The following MAD1L1 variants were observed in gnomAD, a reference collection of about 807,000 sequenced individuals.
MAD1L1 encodes mitotic arrest deficient 1 like 1.
In MAD1L1, 95 loss-of-function variants were observed where a neutral mutation model predicts 96.9. The ratio of observed to expected loss-of-function variants is 0.98; its 90% CI spans 0.83 to 1.16. MAD1L1 has a LOEUF of 1.16. Among genes scored for constraint, MAD1L1 ranks in the 50% most tolerant of loss-of-function variants. The pLI is 0.00. For synonymous variants in MAD1L1, 473 were observed against 396.6 expected (o/e 1.19, Z -2.29); for missense variants, 1,007 against 954.4 (o/e 1.06, Z -0.73).
chr7:1,894,462 G>A (rs1786741019), intron 18 of MAD1L1, among the ~76,000 whole-genome samples: 1 of 152,150 alleles, frequency 6.6e-6, no homozygotes, highest in Non-Finnish European at 1.5e-5. Flanking sequence ...CAGGGATCCC[G>A]GTGCAACATG....
At chr7:1,895,466 A>T (rs1786807278) in intron 18 of MAD1L1, among the ~76,000 whole-genome samples, 1 of 152,186 alleles carries the variant, frequency 6.6e-6, no homozygotes, top group Non-Finnish European at 1.5e-5. Context: ...CGCAGCTCTC[A>T]GCCCCGCCTG....
intron 18 of MAD1L1, among the ~76,000 whole-genome samples, chr7:1,873,132 G>A (rs898993447): frequency 3.3e-5 from 5 of 152,200 alleles, no homozygotes; most frequent in African/African-American, 9.6e-5. Context: ...TGGTGGGCCC[G>A]GTTCCAATTC....
At chr7:2,052,455 C>T (rs2128518602) in intron 12 of MAD1L1, among the ~76,000 whole-genome samples, 1 of 152,222 alleles carries the variant, frequency 6.6e-6, no homozygotes, top group South Asian at 2.1e-4. Flanking sequence ...AGGGAGGGCG[C>T]CGGACAGCTC....
In MAD1L1 at chr7:1,831,389, TC is replaced by T. The variant is rs1340586005; in HGVS notation, c.1999-15162del. On this transcript the variant is annotated intron_variant, in intron 18 of 18. Coordinates refer to ENST00000265854, the MANE Select transcript of MAD1L1 (RefSeq NM_001013836.2). ...TTCTGACTGCTCCACTGACCAGCCA[TC>T]CCCCATCTCTCTCCTTCTCCTTAGG... 2.0e-5 allele frequency among the ~76,000 whole-genome samples: 3 copies of T among 152,048 alleles called. No homozygotes were observed. In the East Asian group the frequency reaches 5.8e-4, roughly 29 times the overall value.
In MAD1L1 at chr7:2,114,991, G is replaced by A. The variant is rs551419581; in HGVS notation, c.1073+34161C>T. Among the ~76,000 whole-genome samples, 20 of 152,326 alleles carry A rather than the reference G, an allele frequency of 1.3e-4. No homozygotes were observed. Among genetic ancestry groups the A allele is most frequent in the African/African-American group, 4.8e-4 (20 of 41,568 alleles). ...CTGTTCCCAGGGTAGAAACAGTGAC[G>A]GGCCAGTGCAGCAGAGAAGAGCAGA... On this transcript the variant is annotated intron_variant, in intron 11 of 18. Coordinates refer to ENST00000265854, the MANE Select transcript of MAD1L1 (RefSeq NM_001013836.2). This position sits in a 1 kb window ranked among gnomAD's most constrained non-coding sequence, Gnocchi z 4.2.
In MAD1L1 at chr7:1,871,247, C is replaced by T. The variant is rs1317606112; in HGVS notation, c.1998+26953G>A. 5.6e-4 allele frequency among the ~76,000 whole-genome samples: 79 copies of T among 140,284 alleles called. 4 individuals are homozygous for T. The highest frequency in any genetic ancestry group is 2.0e-3 in the African/African-American group (72 of 35,150). The allele number at this position is 140,284 out of a possible 152,430, so 92.0% of individuals were successfully genotyped here. A position where few individuals can be genotyped will look rare whatever the true frequency, so the allele number is the denominator to read the frequency against. On this transcript the variant is annotated intron_variant, in intron 18 of 18. Coordinates refer to ENST00000265854, the MANE Select transcript of MAD1L1 (RefSeq NM_001013836.2). Reference sequence around the variant, plus strand: ...CGCTGAACCCAACATACGCCTGCCACGCTGAACCCAACATAAGCCTGCCAC... The same window carrying T: ...CGCTGAACCCAACATACGCCTGCCATGCTGAACCCAACATAAGCCTGCCAC...
At chr7:2,011,854 G>A (rs1782319025) in intron 13 of MAD1L1, among the ~76,000 whole-genome samples, 1 of 152,216 alleles carries the variant, frequency 6.6e-6, no homozygotes, top group African/African-American at 2.4e-5. Context: ...GGTCCTGGGG[G>A]GAGACTGCAG....
intron 12 of MAD1L1, among the ~76,000 whole-genome samples, chr7:2,044,952 C>T (rs1783855816): frequency 1.3e-5 from 2 of 152,330 alleles, no homozygotes; most frequent in Admixed American, 1.3e-4. Context: ...TGAGCAGCAG[C>T]AACCATTCTC....
At chr7:2,116,086 C>T (rs1787675235) in intron 11 of MAD1L1, among the ~76,000 whole-genome samples, 1 of 152,234 alleles carries the variant, frequency 6.6e-6, no homozygotes, top group Non-Finnish European at 1.5e-5. Flanking sequence ...AAATAAGGGC[C>T]AAGGTGACCA....
intron 10 of MAD1L1, among the ~76,000 whole-genome samples, chr7:2,157,773 C>T (rs1789914507): frequency 6.6e-6 from 1 of 152,214 alleles, no homozygotes; most frequent in Admixed American, 6.5e-5. Flanking sequence ...AAGACCAGAG[C>T]CCCAACACCT....
At chr7:2,141,255 C>G (rs1311609005) in intron 11 of MAD1L1, among the ~76,000 whole-genome samples, 1 of 152,262 alleles carries the variant, frequency 6.6e-6, no homozygotes, top group Admixed American at 6.5e-5. Flanking sequence ...ACTGCGGAGG[C>G]CCCTCCAAGC....
chr7:2,035,058 A>C (rs1394868997), intron 12 of MAD1L1, among the ~76,000 whole-genome samples: 2 of 152,242 alleles, frequency 1.3e-5, no homozygotes, highest in Non-Finnish European at 2.9e-5. Context: ...GGAGGGACAC[A>C]AACTCCACAG....
chr7:2,161,107 C>CCTCCCTCTCCCCT (rs1790087591), intron 10 of MAD1L1, among the ~76,000 whole-genome samples: 1 of 4,696 alleles, frequency 2.1e-4, no homozygotes, highest in Non-Finnish European at 5.1e-4. Flanking sequence ...AATGGAGCCC[C>CCTCCCTCTCCCCT]TGCCCCTCCC....
chr7:2,132,076 A>G (rs938185925), intron 11 of MAD1L1, among the ~76,000 whole-genome samples: 2 of 152,162 alleles, frequency 1.3e-5, no homozygotes, highest in African/African-American at 4.8e-5. Flanking sequence ...AGCTGGCCCC[A>G]ACTGCATTTT....
At chr7:2,070,413 C>T (rs1562657291) in intron 11 of MAD1L1, among the ~76,000 whole-genome samples, 1 of 152,122 alleles carries the variant, frequency 6.6e-6, no homozygotes, top group African/African-American at 2.4e-5. Context: ...CAGGTGCTCC[C>T]AGGAAGGGAC....
At chr7:1,881,764 A>C (rs1254551777) in intron 18 of MAD1L1, among the ~76,000 whole-genome samples, 2 of 152,226 alleles carry the variant, frequency 1.3e-5, no homozygotes, top group Non-Finnish European at 2.9e-5. Flanking sequence ...GGGGAGGCAG[A>C]GGTGGTGGGA....
At chr7:1,965,001 C>T (rs1407742185) in intron 15 of MAD1L1, among the ~76,000 whole-genome samples, 1 of 152,220 alleles carries the variant, frequency 6.6e-6, no homozygotes, top group Non-Finnish European at 1.5e-5. Context: ...GCACTGCCCG[C>T]CAGCCCCTCC....
At chr7:2,091,633 G>C (rs543857991) in intron 11 of MAD1L1, among the ~76,000 whole-genome samples, 1 of 152,106 alleles carries the variant, frequency 6.6e-6, no homozygotes, top group African/African-American at 2.4e-5. Flanking sequence ...AAAATTAGCC[G>C]GGCTTAGTGG....
chr7:2,051,903 G>A (rs1238535857), intron 12 of MAD1L1, among the ~76,000 whole-genome samples: 1 of 152,038 alleles, frequency 6.6e-6, no homozygotes. Context: ...TACCACATGG[G>A]GTGCCAGAAA....
Sources: allele counts gnomAD v4.1 joint callset (sites outside exome capture counted in the v4.1 genomes callset), GRCh38; gene constraint gnomAD v4.1.1; non-coding constraint Gnocchi (gnomAD v3.1); transcripts MANE v1.5; gene names NCBI Gene and HGNC (gene_info 2026-07-23, HGNC 2026-07-21).